Variants in STK3 observed in about 807,000 individuals in gnomAD.
STK3 encodes serine/threonine kinase 3, also known as serine/threonine-protein kinase 3.
STK3 carries 41 observed loss-of-function variants against 58.0 expected under a neutral mutation model. The observed-to-expected ratio is 0.71, with a 90% CI of 0.55 to 0.92. The LOEUF (loss-of-function observed/expected upper bound fraction) is 0.92. Ranked by LOEUF, STK3 falls within the 40% of genes least tolerant of loss-of-function variation. The pLI, the probability that STK3 is intolerant of heterozygous loss-of-function variation, is 0.00. For missense variants in STK3, 479 were observed against 602.7 expected (o/e 0.79, Z 2.15); for synonymous variants, 170 against 191.0 (o/e 0.89, Z 0.91).
intron 1 of STK3, among the ~76,000 whole-genome samples, chr8:98,817,129 C>T (rs914808702): frequency 6.6e-6 from 1 of 152,186 alleles, no homozygotes; most frequent in Admixed American, 6.5e-5. Flanking sequence ...TTTCCATTCT[C>T]TACTCTAACT....
intron 3 of STK3, among the ~76,000 whole-genome samples, chr8:98,866,638 T>A (rs933189443): frequency 6.6e-6 from 1 of 152,132 alleles, no homozygotes; most frequent in Non-Finnish European, 1.5e-5. Context: ...TAAGTCAGGC[T>A]CCCCAGGAAA....
chr8:98,378,725 C>T (rs1449639544), intron 2 of STK3, among the ~76,000 whole-genome samples: 2 of 152,162 alleles, frequency 1.3e-5, no homozygotes, highest in Non-Finnish European at 2.9e-5. Flanking sequence ...CCAGTCCCTT[C>T]TCTGGCTGCT....
At chr8:98,540,546 C>T (rs1465323719) in intron 9 of STK3, among the ~76,000 whole-genome samples, 2 of 152,196 alleles carry the variant, frequency 1.3e-5, no homozygotes, top group Admixed American at 6.5e-5. Context: ...CACCTTATAG[C>T]TTCATCCAAG....
At chr8:98,626,288 GA>G (rs1251738055) in intron 6 of STK3, among the ~76,000 whole-genome samples, 2 of 152,156 alleles carry the variant, frequency 1.3e-5, no homozygotes, top group East Asian at 3.8e-4. Context: ...TATCACTGAA[GA>G]AAAGAAACAC....
rs1001710063 is a variant in STK3, at chr8:98,586,858, C to G, written c.823-7069G>C. Among the ~76,000 whole-genome samples the G allele has an allele frequency of 1.9e-4, 29 of 151,848 alleles. 1 individual carries two copies. The highest frequency in any genetic ancestry group is 1.6e-3 in the Admixed American group (24 of 15,280). On this transcript the variant is annotated intron_variant, in intron 7 of 10. Transcript: ENST00000419617. ...TATGTGTCGAGGAATTTATCCATTTCTTCTAGATTTTCTAGTTTATTTGCG... is the reference window on the plus strand; with the variant it reads ...TATGTGTCGAGGAATTTATCCATTTGTTCTAGATTTTCTAGTTTATTTGCG...
intron 8 of STK3, among the ~76,000 whole-genome samples, chr8:98,553,917 A>G (rs1811398405): frequency 6.6e-6 from 1 of 151,902 alleles, no homozygotes; most frequent in Admixed American, 6.6e-5. Flanking sequence ...GTGAACCAAG[A>G]TGGCACCTGG....
intron 1 of STK3, among the ~76,000 whole-genome samples, chr8:98,912,335 G>A (rs539453973): frequency 5.9e-5 from 9 of 151,822 alleles, no homozygotes; most frequent in Non-Finnish European, 7.4e-5. Flanking sequence ...CAAAGATCGC[G>A]CCACTGCACT....
At chr8:98,656,859 A>G (rs1007521378) in intron 6 of STK3, among the ~76,000 whole-genome samples, 1 of 152,120 alleles carries the variant, frequency 6.6e-6, no homozygotes, top group Non-Finnish European at 1.5e-5. Flanking sequence ...CCTCAAATGA[A>G]GCAAATGAGA....
chr8:98,877,227 A>C (rs931388684), intron 3 of STK3, among the ~76,000 whole-genome samples: 1 of 152,232 alleles, frequency 6.6e-6, no homozygotes, highest in African/African-American at 2.4e-5. Context: ...TTTTGATAAC[A>C]AAGCAGTATT....
upstream of STK3, among the ~76,000 whole-genome samples, chr8:98,392,311 T>C (rs1262858457): frequency 6.6e-6 from 1 of 152,170 alleles, no homozygotes; most frequent in African/African-American, 2.4e-5. Context: ...ATGCTTCCTA[T>C]TTCTAAAACT....
intron 1 of STK3, among the ~76,000 whole-genome samples, chr8:98,911,808 G>A (rs1839146522): frequency 6.6e-6 from 1 of 151,634 alleles, no homozygotes; most frequent in Non-Finnish European, 1.5e-5. Context: ...TGTACATAAT[G>A]GGAATTTTTT....
At chr8:98,912,409 A>AC (rs1839178535) in intron 1 of STK3, among the ~76,000 whole-genome samples, 1 of 151,836 alleles carries the variant, frequency 6.6e-6, no homozygotes, top group Non-Finnish European at 1.5e-5. Context: ...AACAAACGAA[A>AC]AAAAAAAAAC....
chr8:98,635,117 G>A (rs984743546), intron 6 of STK3, among the ~76,000 whole-genome samples: 1 of 152,056 alleles, frequency 6.6e-6, no homozygotes. Flanking sequence ...AGCCAGAAAA[G>A]GGTAAAATGA....
chr8:98,649,813 T>A (rs1032549251), intron 6 of STK3, among the ~76,000 whole-genome samples: 1 of 152,188 alleles, frequency 6.6e-6, no homozygotes, highest in Non-Finnish European at 1.5e-5. Context: ...TGATATAGTT[T>A]TTGCATGGCA....
At chr8:98,915,097 GAT>G (rs1028642074) in intron 1 of STK3, among the ~76,000 whole-genome samples, 1 of 152,014 alleles carries the variant, frequency 6.6e-6, no homozygotes, top group African/African-American at 2.4e-5. Context: ...AACTTGATTG[GAT>G]TGAAAGATAC....
At chr8:98,671,229 T>C (rs1358321577) in intron 6 of STK3, among the ~76,000 whole-genome samples, 1 of 152,154 alleles carries the variant, frequency 6.6e-6, no homozygotes, top group Non-Finnish European at 1.5e-5. Flanking sequence ...ACATTACCTA[T>C]GAAATTAAGG....
intron 10 of STK3, among the ~76,000 whole-genome samples, chr8:98,472,147 G>C (rs139668975): frequency 6.6e-6 from 1 of 152,182 alleles, no homozygotes; most frequent in Non-Finnish European, 1.5e-5. Flanking sequence ...AAGACATTTA[G>C]CTAATAAAAA....
At chr8:98,382,246 T>C (rs2131002322) in intron 1 of STK3, among the ~76,000 whole-genome samples, 1 of 152,338 alleles carries the variant, frequency 6.6e-6, no homozygotes, top group Non-Finnish European at 1.5e-5. Flanking sequence ...TCTCCCTGCC[T>C]GAGAAGCAGG....
downstream of STK3, chr8:98,882,107 C>T (rs973765550): frequency 1.1e-4 from 17 of 152,162 alleles, no homozygotes; most frequent in Admixed American, 8.5e-4. Context: ...TAATAATATA[C>T]AGCAAGTCCA....
Sources: gnomAD v4.1 joint callset for allele counts (sites outside exome capture counted in the v4.1 genomes callset) on GRCh38, gnomAD v4.1.1 for gene constraint, MANE v1.5 for transcripts, NCBI Gene and HGNC (gene_info 2026-07-23, HGNC 2026-07-21) for gene names.